The following PTN variants were observed in gnomAD, a reference collection of about 807,000 sequenced individuals.
PTN encodes heparin affin regulatory protein.
A neutral mutation model predicts 24.1 loss-of-function variants in PTN; 18 were observed. The observed-to-expected ratio is 0.75, with a 90% CI of 0.52 to 1.11. The LOEUF (loss-of-function observed/expected upper bound fraction) is 1.11. Among genes scored for constraint, PTN ranks in the 50% least tolerant of loss-of-function variants. The pLI is 0.00. For synonymous variants in PTN, 78 were observed against 68.6 expected (o/e 1.14, Z -0.67); for missense variants, 163 against 198.8 (o/e 0.82, Z 1.08).
intron 1 of PTN, among the ~76,000 whole-genome samples, chr7:137,301,663 T>A (rs1809808369): frequency 6.6e-6 from 1 of 151,764 alleles, no homozygotes; most frequent in Non-Finnish European, 1.5e-5. Flanking sequence ...AAAGTACCAA[T>A]GAGCTCCTTT....
At chr7:137,319,037 C>G (rs1022791668) in intron 1 of PTN, among the ~76,000 whole-genome samples, 5 of 152,146 alleles carry the variant, frequency 3.3e-5, no homozygotes, top group Non-Finnish European at 7.4e-5. Context: ...TTTCTCTCTA[C>G]TTTTGTCCAC....
intron 3 of PTN, 102 bp downstream of exon 3, chr7:137,253,362 A>C: frequency 8.0e-6 from 10 of 1,249,918 alleles, no homozygotes; most frequent in Non-Finnish European, 1.1e-5. Context: ...GGTAAGATAA[A>C]GTTATTTAAA....
chr7:137,314,964 T>C (rs1000347161), intron 1 of PTN, among the ~76,000 whole-genome samples: 2 of 152,170 alleles, frequency 1.3e-5, no homozygotes, highest in African/African-American at 4.8e-5. Context: ...TTAGACATTG[T>C]TAACTATTAT....
rs9886020 is a variant in PTN, at chr7:137,324,433, A to T, written c.-2+19006T>A. ...CCCTGTCTCTAAAAAAAAAAAAAAA[A>T]ATATATATATATATATATAAATTAA... is the stretch of plus-strand genomic sequence containing the variant. On this transcript the variant is annotated intron_variant, in intron 1 of 4. Coordinates refer to ENST00000348225, the MANE Select transcript of PTN (RefSeq NM_002825.7). Among the ~76,000 whole-genome samples the T allele has an allele frequency of 9.1e-3, 809 of 88,774 alleles. 29 individuals carry two copies. Among genetic ancestry groups the T allele is most frequent in the African/African-American group, 0.049 (717 of 14,498 alleles). The allele number at this position is 88,774 out of a possible 152,430, so 58.2% of individuals were successfully genotyped here.
At chr7:137,297,902 A>G (rs34913255) in intron 1 of PTN, among the ~76,000 whole-genome samples, 93,446 of 151,596 alleles carry the variant, frequency 0.62, 29,234 homozygotes, top group South Asian at 0.7. Flanking sequence ...AGCTTTCCAA[A>G]GTGGGCAGGA....
chr7:137,303,003 A>G (rs1809831592), intron 1 of PTN, among the ~76,000 whole-genome samples: 1 of 151,966 alleles, frequency 6.6e-6, no homozygotes, highest in African/African-American at 2.4e-5. Flanking sequence ...TATTGTAATC[A>G]TATCAATAAG....
chr7:137,236,812 T>C (rs369596635), intron 4 of PTN, among the ~76,000 whole-genome samples: 3 of 152,120 alleles, frequency 2.0e-5, no homozygotes, highest in Admixed American at 6.6e-5. Context: ...TTATAAACAG[T>C]AATAAGTAGT....
intron 1 of PTN, among the ~76,000 whole-genome samples, chr7:137,342,863 T>A (rs1441650887): frequency 6.6e-6 from 1 of 152,146 alleles, no homozygotes; most frequent in African/African-American, 2.4e-5. Flanking sequence ...GAACCATTCC[T>A]GGGCTGTCAG....
intron 4 of PTN, among the ~76,000 whole-genome samples, chr7:137,242,398 C>T (rs545352628): frequency 1.3e-5 from 2 of 152,264 alleles, no homozygotes; most frequent in Admixed American, 1.3e-4. Flanking sequence ...CAGCGTGTGG[C>T]TTGGTATGGA....
chr7:137,327,710 GA>G (rs900997114), intron 1 of PTN, among the ~76,000 whole-genome samples: 5 of 151,656 alleles, frequency 3.3e-5, no homozygotes, highest in African/African-American at 4.8e-5. Flanking sequence ...TTCCTTCTCT[GA>G]AAAAAAACCA....
chr7:137,320,366 A>G (rs899421321), intron 1 of PTN, among the ~76,000 whole-genome samples: 1 of 151,114 alleles, frequency 6.6e-6, no homozygotes, highest in African/African-American at 2.4e-5. Flanking sequence ...TAAAATGAAG[A>G]CTCCATTTTC....
intron 1 of PTN, among the ~76,000 whole-genome samples, chr7:137,307,815 G>A (rs1809914269): frequency 6.6e-6 from 1 of 152,130 alleles, no homozygotes; most frequent in Non-Finnish European, 1.5e-5. Flanking sequence ...CAAAGTCACT[G>A]ATGAAGGGCA....
At chr7:137,333,171 C>T (rs1810388857) in intron 1 of PTN, among the ~76,000 whole-genome samples, 2 of 152,130 alleles carry the variant, frequency 1.3e-5, no homozygotes, top group African/African-American at 2.4e-5. Context: ...TGGTACCTTC[C>T]TGTCTTTCTT....
chr7:137,254,768 G>T, intron 2 of PTN, 91 bp downstream of exon 2: 1 of 761,906 alleles, frequency 1.3e-6, no homozygotes, highest in Non-Finnish European at 1.9e-6. Context: ...AGGGAGAGAG[G>T]CAGAGTAGAA....
chr7:137,274,686 CA>C (rs1274346800), intron 1 of PTN, among the ~76,000 whole-genome samples: 12 of 152,016 alleles, frequency 7.9e-5, no homozygotes, highest in African/African-American at 2.9e-4. Context: ...ATTAGGTACT[CA>C]AAAAATATTT....
intron 1 of PTN, among the ~76,000 whole-genome samples, chr7:137,266,499 C>T (rs957917495): frequency 7.6e-6 from 1 of 132,082 alleles, no homozygotes; most frequent in Non-Finnish European, 1.6e-5. Flanking sequence ...CTTTCGCAGA[C>T]AATTCTTCCA....
At chr7:137,314,068 T>C (rs1042053412) in intron 1 of PTN, among the ~76,000 whole-genome samples, 3 of 152,220 alleles carry the variant, frequency 2.0e-5, no homozygotes, top group Non-Finnish European at 4.4e-5. Flanking sequence ...ATAATTCTAT[T>C]ATTCAGCTGC....
intron 1 of PTN, among the ~76,000 whole-genome samples, chr7:137,333,937 G>A (rs1321850298): frequency 6.6e-6 from 1 of 152,056 alleles, no homozygotes; most frequent in Non-Finnish European, 1.5e-5. Context: ...AACAAGCAAT[G>A]GGGAAAGGAT....
In PTN at chr7:137,343,489, G is replaced by A. The variant is rs759132743; in HGVS notation, c.-52C>T. ...CGCTCAGTCTGCCTTTGTTGCAAGG[G>A]GCGAGGTTGCTACCGCTGAGTCCAG... is the stretch of plus-strand genomic sequence containing the variant. On this transcript the variant is annotated 5_prime_UTR_variant, in exon 1 of 5. Transcript: ENST00000348225. 1 of 518,792 alleles carries A rather than the reference G, an allele frequency of 1.9e-6. No homozygotes were observed. The highest frequency in any genetic ancestry group is 3.8e-6 in the Non-Finnish European group (1 of 259,828). 32.1% of individuals were successfully genotyped at this position (518,792 alleles called of 1,614,324 possible). A position where few individuals can be genotyped will look rare whatever the true frequency, so the allele number is the denominator to read the frequency against.
Sources: allele counts gnomAD v4.1 joint callset (sites outside exome capture counted in the v4.1 genomes callset), GRCh38; gene constraint gnomAD v4.1.1; transcripts MANE v1.5; gene names NCBI Gene and HGNC (gene_info 2026-07-23, HGNC 2026-07-21).